SLC35A3: variants seen among roughly 807,000 people sequenced by gnomAD.
SLC35A3 encodes the protein solute carrier family 35 member A3.
In SLC35A3, 26 loss-of-function variants were observed where a neutral mutation model predicts 39.0. The ratio of observed to expected loss-of-function variants is 0.67; its 90% confidence interval spans 0.49 to 0.92. SLC35A3 has a LOEUF of 0.92. SLC35A3 is among the 40% of genes least tolerant of loss of function. SLC35A3 has a pLI of 0.00. For synonymous variants in SLC35A3, 135 were observed against 133.1 expected, an observed-to-expected ratio of 1.01 and a Z score of -0.10; for missense variants, 299 against 371.6, an observed-to-expected ratio of 0.80 and a Z score of 1.61.
At chr1:99,989,192 T>G (rs192634565) in intron 1 of SLC35A3, among the ~76,000 whole-genome samples, 6 of 152,236 alleles carry the variant, frequency 3.9e-5, no homozygotes, top group Non-Finnish European at 8.8e-5. Context: ...GGTATCTCAT[T>G]GTGGTCTTAA....
intron 1 of SLC35A3, 91 bp from the exon 2 acceptor site, chr1:99,993,446 C>G: frequency 1.0e-6 from 1 of 989,166 alleles, no homozygotes; most frequent in Non-Finnish European, 1.5e-6. Context: ...GACCTGCAGG[C>G]CCTCTCCCTT....
intron 5 of SLC35A3, among the ~76,000 whole-genome samples, chr1:100,012,893 C>G (rs980414815): frequency 1.3e-5 from 2 of 152,188 alleles, no homozygotes. Context: ...CATGTTCTCT[C>G]CTGAGCCCAT....
At chr1:100,018,239 T>C (rs548477274) in intron 7 of SLC35A3, among the ~76,000 whole-genome samples, 71 of 152,254 alleles carry the variant, frequency 4.7e-4, no homozygotes, top group African/African-American at 1.6e-3. Context: ...TGGAAAGGAA[T>C]TGCAGGAGGA....
intron 1 of SLC35A3, among the ~76,000 whole-genome samples, chr1:99,972,904 T>C (rs1266828532): frequency 2.0e-5 from 3 of 152,220 alleles, no homozygotes; most frequent in Non-Finnish European, 4.4e-5. Flanking sequence ...TAGATAAGAA[T>C]ATTAAAGTTC....
intron 1 of SLC35A3, among the ~76,000 whole-genome samples, chr1:99,986,655 T>C (rs1157276487): frequency 1.3e-5 from 2 of 152,112 alleles, no homozygotes; most frequent in African/African-American, 2.4e-5. Flanking sequence ...TGGTACACAA[T>C]CTTGGCTCAC....
chr1:100,018,869 A>G (rs1660342363), intron 7 of SLC35A3, among the ~76,000 whole-genome samples: 1 of 152,210 alleles, frequency 6.6e-6, no homozygotes, highest in Non-Finnish European at 1.5e-5. Context: ...TATATTGAAC[A>G]TTGACGGTTT....
chr1:100,021,833 T>G (rs958527043), intron 7 of SLC35A3, among the ~76,000 whole-genome samples: 20 of 152,222 alleles, frequency 1.3e-4, no homozygotes, highest in Non-Finnish European at 2.5e-4. Context: ...TAAAGCATCC[T>G]ATAAAAATTG....
At position 100,028,855 on chromosome 1, in the gene SLC35A3, T is replaced by A. The variant is rs1661067444; in HGVS notation, c.*6379T>A. 1.3e-5 allele frequency: 2 copies of A among 152,260 alleles called. No individual in the cohort carries two copies. Among genetic ancestry groups the A allele is most frequent in the Admixed American group, 1.3e-4 (2 of 15,286 alleles). The allele number at this position is 152,260 out of a possible 1,614,324, so 9.4% of individuals were successfully genotyped here. A position where few individuals can be genotyped will look rare whatever the true frequency, so the allele number is the denominator to read the frequency against. On this transcript the variant is annotated 3_prime_UTR_variant, in exon 8 of 8. Transcript: ENST00000533028. ...AGAGAAAACTTACTAAAAGCTATTA[T>A]ACTCACAGTCATATTTATTACAGAG...
In SLC35A3 at chr1:100,023,681, CAAATTTTGA is replaced by C. The variant is rs1660700980; in HGVS notation, c.*1207_*1215del. On this transcript the variant is annotated 3_prime_UTR_variant, in exon 8 of 8. Transcript: ENST00000533028. ...TGATCACATGAGTGGGAGAGGTAGC[CAAATTTTGA>C]ATTCCCTTTCTGTGTTCCCACAAGA... 6.6e-6 allele frequency: 1 copy of C among 152,228 alleles called. No individual in the cohort carries two copies. The highest frequency in any genetic ancestry group is 2.4e-5 in the African/African-American group (1 of 41,426). 9.4% of individuals were successfully genotyped at this position (152,228 alleles called of 1,614,324 possible). A position where few individuals can be genotyped will look rare whatever the true frequency, so the allele number is the denominator to read the frequency against.
At chr1:100,013,153 T>C (rs142043797) in intron 5 of SLC35A3, among the ~76,000 whole-genome samples, 1 of 152,294 alleles carries the variant, frequency 6.6e-6, no homozygotes, top group African/African-American at 2.4e-5. Flanking sequence ...CTATAATGTA[T>C]ACTTTTTTAG....
chr1:99,990,286 G>A (rs545983126), intron 1 of SLC35A3, among the ~76,000 whole-genome samples: 2 of 151,914 alleles, frequency 1.3e-5, no homozygotes, highest in African/African-American at 2.4e-5. Flanking sequence ...TAAAAAATAC[G>A]TATATCTGGC....
chr1:100,026,898 C>T lies in SLC35A3; in HGVS notation c.*4422C>T. On this transcript the variant is annotated 3_prime_UTR_variant, in exon 8 of 8. Transcript: ENST00000533028. Reference sequence around the variant, plus strand: ...ATGGCTTTTTAATTGATAAACTTCTCTTGTCATTTTTTGGTATCCAGCTAT... The same window carrying T: ...ATGGCTTTTTAATTGATAAACTTCTTTTGTCATTTTTTGGTATCCAGCTAT... 3.2e-6 allele frequency: 1 copy of T among 309,920 alleles called. No individual in the cohort carries two copies. Among genetic ancestry groups the T allele is most frequent in the Non-Finnish European group, 5.8e-6 (1 of 171,868 alleles). 19.2% of individuals were successfully genotyped at this position (309,920 alleles called of 1,614,324 possible).
At chr1:99,977,112 T>C (rs924577918) in intron 1 of SLC35A3, among the ~76,000 whole-genome samples, 2 of 152,170 alleles carry the variant, frequency 1.3e-5, no homozygotes, top group African/African-American at 4.8e-5. Context: ...AAAACTATTT[T>C]AAGGCCCCTC....
chr1:99,976,375 A>G (rs1460086588), intron 1 of SLC35A3, among the ~76,000 whole-genome samples: 2 of 152,228 alleles, frequency 1.3e-5, no homozygotes, highest in African/African-American at 4.8e-5. Context: ...TTGGATTCGA[A>G]TATTGGAATC....
At chr1:99,985,373 TGTAA>T (rs1200882951) in intron 1 of SLC35A3, among the ~76,000 whole-genome samples, 1 of 152,220 alleles carries the variant, frequency 6.6e-6, no homozygotes, top group Non-Finnish European at 1.5e-5. Flanking sequence ...ATCAGTTGGC[TGTAA>T]GTATTTGGCT....
intron 2 of SLC35A3, among the ~76,000 whole-genome samples, chr1:99,995,104 TTTTCTTTCTTTCTTTCTTTCTTTC>T (rs58899984): frequency 0.026 from 2,917 of 113,468 alleles, 83 homozygotes; most frequent in South Asian, 0.16. Context: ...TTTTTGTGTA[TTTTCTTTCTTTCTTTCTTTCTTTC>T]TTTCTTTCTT....
chr1:99,995,164 T>C (rs866683528), intron 2 of SLC35A3, among the ~76,000 whole-genome samples: 35 of 113,528 alleles, frequency 3.1e-4, no homozygotes, highest in African/African-American at 9.2e-4. Context: ...TTCTTTCTTT[T>C]TTTTTCGAGA....
At chr1:100,012,013 G>A (rs1163297393) in intron 5 of SLC35A3, among the ~76,000 whole-genome samples, 2 of 151,658 alleles carry the variant, frequency 1.3e-5, no homozygotes, top group African/African-American at 2.4e-5. Flanking sequence ...CCACCTCCCC[G>A]GCCAAACATT....
intron 5 of SLC35A3, among the ~76,000 whole-genome samples, chr1:100,012,867 G>A (rs969121030): frequency 1.3e-5 from 2 of 152,138 alleles, no homozygotes; most frequent in Admixed American, 6.5e-5. Context: ...ATAATACATA[G>A]TATAGTGATT....
Sources: allele counts gnomAD v4.1 joint callset (sites outside exome capture counted in the v4.1 genomes callset), GRCh38; gene constraint gnomAD v4.1.1; transcripts MANE v1.5; gene names NCBI Gene and HGNC (gene_info 2026-07-23, HGNC 2026-07-21).